The following SAMD14 variants were observed in gnomAD, a reference collection of about 807,000 sequenced individuals.
SAMD14 encodes sterile alpha motif domain-containing protein 14.
Under a neutral mutation model 46.2 loss-of-function variants are expected in SAMD14, and 27 were observed. The observed-to-expected ratio is 0.58, with a 90% CI of 0.43 to 0.81. The LOEUF is 0.81. Among genes scored for constraint, SAMD14 ranks in the 30% least tolerant of loss-of-function variants. SAMD14 has a pLI of 0.00. For missense variants in SAMD14, 559 were observed against 582.2 expected, an observed-to-expected ratio of 0.96 and a Z score of 0.41; for synonymous variants, 241 against 254.3, an observed-to-expected ratio of 0.95 and a Z score of 0.50.
At chr17:50,125,681 C>G (rs1342609411) in intron 1 of SAMD14, among the ~76,000 whole-genome samples, 1 of 152,170 alleles carries the variant, frequency 6.6e-6, no homozygotes, top group Admixed American at 6.5e-5. Flanking sequence ...CCTGCCTCCC[C>G]CTTCCCTACA....
chr17:50,114,520 T>A, intron 7 of SAMD14: 2 of 1,407,250 alleles, frequency 1.4e-6, no homozygotes, highest in Non-Finnish European at 1.9e-6. Flanking sequence ...CTGGAGGACA[T>A]GGGGCTAGAA....
Position 50,110,237 on chromosome 17 carries a change from C to T in SAMD14, c.*2656G>A, listed in dbSNP as rs867286038. The T allele has an allele frequency of 1.6e-5, 15 of 913,502 alleles. No individual in the cohort carries two copies. The highest frequency in any genetic ancestry group is 7.2e-4 in the Middle Eastern group (2 of 2,790). 56.6% of individuals were successfully genotyped at this position (913,502 alleles called of 1,614,324 possible). ...GGTTCTGTCTCTATGGAAGTCACTG[C>T]GGTGATAGGTCTGTGATGGTCCCTA... On this transcript the variant is annotated 3_prime_UTR_variant, in exon 10 of 10. Coordinates refer to ENST00000330175, the MANE Select transcript of SAMD14 (RefSeq NM_001257359.2).
chr17:50,127,883 C>T (rs971498147), intron 1 of SAMD14, among the ~76,000 whole-genome samples: 12 of 152,190 alleles, frequency 7.9e-5, no homozygotes, highest in African/African-American at 2.9e-4. Flanking sequence ...CTTCAGGAAG[C>T]TGTCCTAGGT....
In SAMD14 at chr17:50,115,988, C is replaced by G; in HGVS notation, c.587+15G>C. Reference sequence around the variant, plus strand: ...GCAGCTCCAAGCCCTGCGATCTAGCCCCGCCTCCACTCACCCCAGGTCCAG... The same window carrying G: ...GCAGCTCCAAGCCCTGCGATCTAGCGCCGCCTCCACTCACCCCAGGTCCAG... On this transcript the variant is annotated intron_variant, in intron 5 of 9. Transcript: ENST00000330175. The surrounding 1 kb of genome is among the most constrained non-coding windows in gnomAD (Gnocchi z 5.3). The G allele has an allele frequency of 1.2e-6, 2 of 1,613,936 alleles. No individual in the cohort carries two copies.
rs751243734 is a variant in SAMD14, at chr17:50,113,974, G to A, written c.1048C>T (p.Arg350Trp). 4 of 1,613,734 alleles carry A rather than the reference G, an allele frequency of 2.5e-6. No individual in the cohort carries two copies. The highest frequency in any genetic ancestry group is 2.5e-6 in the Non-Finnish European group (3 of 1,180,030). Residue 350 changes from arginine to tryptophan, a missense_variant, in exon 9 of 10, where the codon CGG becomes TGG. Transcript: ENST00000330175. ...AGCAGCTGCGGCCCGTCTACCTGCC[G>A]TGCAGCAAACTCAGCAGCATACTGT... ...LEQYAAEFAA[R>W]QVDGPQLLQL...
rs775020027 is a variant in SAMD14 at position 50,110,064 on chromosome 17, G to A, written c.*2829C>T. 28 of 1,611,080 alleles carry A rather than the reference G, an allele frequency of 1.7e-5. No homozygotes were observed. Among genetic ancestry groups the A allele is most frequent in the Non-Finnish European group, 2.3e-5 (27 of 1,178,724 alleles). On this transcript the variant is annotated 3_prime_UTR_variant, in exon 10 of 10. Coordinates refer to ENST00000330175, the MANE Select transcript of SAMD14 (RefSeq NM_001257359.2). The stretch of plus-strand genomic sequence containing the variant: ...GCGACTGGTGTGTGCCCAGCACGGA[G>A]CCCAAGAACACGTCCACGTACCGCG...
In SAMD14 at chr17:50,116,069, G is replaced by A; in HGVS notation, c.521C>T (p.Pro174Leu). 1 of 1,613,890 alleles carries A rather than the reference G, an allele frequency of 6.2e-7. No individual in the cohort carries two copies. Among genetic ancestry groups the A allele is most frequent in the Non-Finnish European group, 8.5e-7 (1 of 1,179,838 alleles). Residue 174 changes from proline (P) to leucine (L), a missense_variant, in exon 5 of 10, where the codon CCT (proline) becomes CTT (leucine). Pro to Leu is a moderately conservative substitution (Grantham distance 98, BLOSUM62 -3). Transcript: ENST00000330175. The stretch of plus-strand genomic sequence containing the variant: ...GATGGTGGGGCTGGCGGGCTCAGGA[G>A]GACTGGCGTCACGGCTGTCATCTTT... ...HSEDDSRDAS[P>L]PEPASPTIGL...
intron 3 of SAMD14, 129 bp from the exon 4 acceptor site, chr17:50,117,824 C>A: frequency 1.0e-6 from 1 of 1,004,976 alleles, no homozygotes; most frequent in Non-Finnish European, 1.3e-6. Context: ...TTTCCTCATG[C>A]CTTAGGCAGC....
At chr17:50,119,627 C>G (rs886664136) in intron 2 of SAMD14, among the ~76,000 whole-genome samples, 5 of 152,164 alleles carry the variant, frequency 3.3e-5, no homozygotes, top group Admixed American at 2.6e-4. Flanking sequence ...TCAAGCTCAA[C>G]TCATCAAAAT....
At chr17:50,119,521 T>C (rs1234475228) in intron 2 of SAMD14, among the ~76,000 whole-genome samples, 1 of 152,052 alleles carries the variant, frequency 6.6e-6, no homozygotes, top group Non-Finnish European at 1.5e-5. Flanking sequence ...CTACCACCTA[T>C]TTCTATTTCC....
chr17:50,118,018 T>G, intron 3 of SAMD14, 143 bp downstream of exon 3: 1 of 886,722 alleles, frequency 1.1e-6, no homozygotes, highest in Non-Finnish European at 1.7e-6. Context: ...AGAAGTGAAC[T>G]GCAGCTAACA....
chr17:50,116,300 C>A, intron 4 of SAMD14: 1 of 660,340 alleles, frequency 1.5e-6, no homozygotes, highest in East Asian at 3.0e-5. Context: ...CTACCTGCTT[C>A]ATGGGACCTA....
intron 3 of SAMD14, 76 bp downstream of exon 3, chr17:50,118,085 C>T (rs1911325442): frequency 3.5e-6 from 5 of 1,441,986 alleles, no homozygotes; most frequent in African/African-American, 3.1e-5. Context: ...GAAGAGCACT[C>T]TGGAGAGATT....
intron 4 of SAMD14, among the ~76,000 whole-genome samples, chr17:50,116,941 A>C (rs1911237364): frequency 1.3e-5 from 2 of 150,132 alleles, no homozygotes; most frequent in African/African-American, 4.9e-5. Flanking sequence ...CTGCAGCTCA[A>C]AACTCCCGGG....
In SAMD14 at chr17:50,115,529, G is replaced by A. The variant is rs779490908; in HGVS notation, c.822+35C>T. ...ACGCCCTCATGTCACCTGAGACTGGGGGCCAGTTTGGGGACAAGAAAGGCA... is the reference window on the plus strand; with the variant it reads ...ACGCCCTCATGTCACCTGAGACTGGAGGCCAGTTTGGGGACAAGAAAGGCA... On this transcript the variant is annotated intron_variant, in intron 7 of 9. Transcript: ENST00000330175. This position sits in a 1 kb window ranked among gnomAD's most constrained non-coding sequence, Gnocchi z 5.3. The A allele has an allele frequency of 6.6e-7, 1 of 1,509,770 alleles. No individual in the cohort carries two copies. The allele number at this position is 1,509,770 out of a possible 1,614,324, so 93.5% of individuals were successfully genotyped here.
In SAMD14 at chr17:50,113,062, C is replaced by T. The variant is rs368930892; in HGVS notation, c.1099-14G>A. 14 of 1,609,934 alleles carry T rather than the reference C, an allele frequency of 8.7e-6. No homozygotes were observed. The highest frequency in any genetic ancestry group is 5.0e-5 in the Admixed American group (3 of 59,954). On this transcript the variant is annotated splice_polypyrimidine_tract_variant and intron_variant, in intron 9 of 9. Coordinates refer to ENST00000330175, the MANE Select transcript of SAMD14 (RefSeq NM_001257359.2). ...GAGCCCCAGGCTCTGGGGAGGAGTCCGGGGTGAGGGAGAGAGTCCCAGAAC... is the reference window on the plus strand; with the variant it reads ...GAGCCCCAGGCTCTGGGGAGGAGTCTGGGGTGAGGGAGAGAGTCCCAGAAC...
rs985976088 is a variant in SAMD14 at position 50,112,736 on chromosome 17, T to C, written c.*157A>G. On this transcript the variant is annotated 3_prime_UTR_variant, in exon 10 of 10. Transcript: ENST00000330175. ...TCTCCCTTTCTGGGGTCTCTGGGTC[T>C]AGACCAAGTGACAGGGTAAGAGAGA... 4.7e-6 allele frequency: 4 copies of C among 858,536 alleles called. No homozygotes were observed. In the Admixed American group the frequency reaches 1.1e-4, roughly 25 times the overall value. The allele number at this position is 858,536 out of a possible 1,614,324, so 53.2% of individuals were successfully genotyped here.
chr17:50,127,145 CAATAAT>C (rs577717610), intron 1 of SAMD14, among the ~76,000 whole-genome samples: 1 of 150,806 alleles, frequency 6.6e-6, no homozygotes, highest in East Asian at 1.9e-4. Flanking sequence ...TAAATAAAAG[CAATAAT>C]AATAATAATA....
At chr17:50,121,092 A>G (rs1309109217) in intron 2 of SAMD14, among the ~76,000 whole-genome samples, 4 of 152,110 alleles carry the variant, frequency 2.6e-5, no homozygotes, top group Non-Finnish European at 5.9e-5. Context: ...TGAAAGAAAA[A>G]TGTTCTGTTG....
Sources: allele counts gnomAD v4.1 joint callset (sites outside exome capture counted in the v4.1 genomes callset), GRCh38; gene constraint gnomAD v4.1.1; non-coding constraint Gnocchi (gnomAD v3.1); transcripts MANE v1.5; gene names NCBI Gene and HGNC (gene_info 2026-07-23, HGNC 2026-07-21).